Variants in CAMK2G observed in about 807,000 individuals in gnomAD.
CAMK2G encodes the protein calcium/calmodulin dependent protein kinase II gamma, also known as calcium/calmodulin-dependent protein kinase type II subunit gamma.
CAMK2G carries 23 observed loss-of-function variants against 88.7 expected under a neutral mutation model. That is an observed-to-expected ratio of 0.26 (90% CI 0.19 to 0.37). The LOEUF (loss-of-function observed/expected upper bound fraction) is 0.37. Among genes scored for constraint, CAMK2G ranks in the 10% least tolerant of loss-of-function variants. The pLI is 1.00. For synonymous variants in CAMK2G, 263 were observed against 294.8 expected (o/e 0.89, Z 1.11); for missense variants, 476 against 780.8 (o/e 0.61, Z 4.65).
intron 10 of CAMK2G, among the ~76,000 whole-genome samples, chr10:73,843,974 C>T (rs1354670770): frequency 6.6e-6 from 1 of 152,164 alleles, no homozygotes; most frequent in East Asian, 1.9e-4. Context: ...GGCTCAGGAG[C>T]CCCCTCTCTT....
chr10:73,827,192 T>C (rs1166376853), intron 15 of CAMK2G, among the ~76,000 whole-genome samples: 1 of 152,086 alleles, frequency 6.6e-6, no homozygotes, highest in East Asian at 1.9e-4. Context: ...CACCTCTGGT[T>C]TATTTATTTT....
Position 73,828,201 on chromosome 10 carries a change from G to C in CAMK2G, c.1054-80C>G. 4 of 1,152,492 alleles carry C rather than the reference G, an allele frequency of 3.5e-6. No individual in the cohort carries two copies. In the East Asian group the frequency reaches 7.1e-5, roughly 20 times the overall value. The allele number at this position is 1,152,492 out of a possible 1,614,324, so 71.4% of individuals were successfully genotyped here. ...AAGCACAGAGACGCTGCAGGTTAGC[G>C]CACCAGTGTGGGCTCTGCATCAGGG... On this transcript the variant is annotated intron_variant, in intron 14 of 22. Coordinates refer to ENST00000423381, the MANE Select transcript of CAMK2G (RefSeq NM_001367534.1).
intron 3 of CAMK2G, 115 bp downstream of exon 3, chr10:73,860,715 C>G: frequency 1.3e-6 from 1 of 790,020 alleles, no homozygotes. Flanking sequence ...CATGTAAAAA[C>G]AGACACCAGG....
chr10:73,817,604 TTAC>T, intron 19 of CAMK2G, 50 bp from the exon 20 acceptor site: 3 of 1,271,078 alleles, frequency 2.4e-6, no homozygotes, highest in Non-Finnish European at 3.5e-6. Flanking sequence ...ACCTCCCAAG[TTAC>T]AGAGAGCCCT....
chr10:73,864,089 A>G (rs1014193690), intron 2 of CAMK2G, among the ~76,000 whole-genome samples: 4 of 152,176 alleles, frequency 2.6e-5, no homozygotes, highest in African/African-American at 9.7e-5. Context: ...TCACGCCTGT[A>G]ATCCCAGTCC....
intron 2 of CAMK2G, among the ~76,000 whole-genome samples, chr10:73,865,791 C>A (rs899515562): frequency 6.6e-6 from 1 of 152,162 alleles, no homozygotes; most frequent in African/African-American, 2.4e-5. Flanking sequence ...TTCCAGTAAC[C>A]ACTAGGGAGA....
intron 2 of CAMK2G, among the ~76,000 whole-genome samples, chr10:73,869,682 T>C (rs2095742640): frequency 6.6e-6 from 1 of 152,256 alleles, no homozygotes; most frequent in African/African-American, 2.4e-5. Flanking sequence ...ATAAGGACCC[T>C]TCCCTCACCT....
chr10:73,873,339 C>G, intron 1 of CAMK2G: 1 of 1,348,242 alleles, frequency 7.4e-7, no homozygotes, highest in Non-Finnish European at 9.6e-7. Flanking sequence ...GCAACAGCCT[C>G]CACCTCAGGC....
At position 73,842,267 on chromosome 10, in the gene CAMK2G, G is replaced by T; in HGVS notation, c.904-56C>A. On this transcript the variant is annotated intron_variant, in intron 11 of 22. Transcript: ENST00000423381. The surrounding 1 kb of genome is among the most constrained non-coding windows in gnomAD (Gnocchi z 4.6). ...CTGAGACCCTAGAAAAGGGCAGGCT[G>T]GTCTCAGGCAAAGGCAGGTCCTGGC... The T allele has an allele frequency of 6.8e-7, 1 of 1,464,312 alleles. No individual in the cohort carries two copies. Among genetic ancestry groups the T allele is most frequent in the Non-Finnish European group, 9.6e-7 (1 of 1,043,410 alleles). 90.7% of individuals were successfully genotyped at this position (1,464,312 alleles called of 1,614,324 possible).
chr10:73,820,875 T>C (rs958106570), intron 18 of CAMK2G, among the ~76,000 whole-genome samples: 3 of 152,006 alleles, frequency 2.0e-5, no homozygotes, highest in South Asian at 2.1e-4. Context: ...AGTTTCACCA[T>C]GTTGGCCAGG....
intron 2 of CAMK2G, among the ~76,000 whole-genome samples, chr10:73,872,306 C>CTCAGAGGCAGTGCAGT (rs72048711): frequency 1.3e-5 from 2 of 151,900 alleles, no homozygotes; most frequent in African/African-American, 2.4e-5. Flanking sequence ...GCTCCTCAGA[C>CTCAGAGGCAGTGCAGT]TCGGAGGCAG....
intron 5 of CAMK2G, among the ~76,000 whole-genome samples, 171 bp from the exon 6 acceptor site, chr10:73,849,504 T>C (rs553132898): frequency 3.0e-4 from 46 of 152,272 alleles, no homozygotes; most frequent in African/African-American, 9.6e-4. Context: ...TCAACCTATT[T>C]AAAGAAAGAG....
chr10:73,858,315 C>T, intron 3 of CAMK2G, among the ~76,000 whole-genome samples: 1 of 152,172 alleles, frequency 6.6e-6, no homozygotes, highest in East Asian at 1.9e-4. Context: ...GGATGGAGTT[C>T]AAGAGGCCAG....
intron 10 of CAMK2G, among the ~76,000 whole-genome samples, chr10:73,844,523 T>C (rs1172318747): frequency 6.6e-6 from 1 of 152,196 alleles, no homozygotes; most frequent in Non-Finnish European, 1.5e-5. Flanking sequence ...TTCTCATGCC[T>C]CAGCCTCCCA....
intron 2 of CAMK2G, among the ~76,000 whole-genome samples, chr10:73,866,794 G>A (rs1271339732): frequency 6.6e-6 from 1 of 152,104 alleles, no homozygotes; most frequent in Non-Finnish European, 1.5e-5. Context: ...ACTCTGAGGA[G>A]CAGAAACAAG....
intron 18 of CAMK2G, among the ~76,000 whole-genome samples, chr10:73,820,418 G>A (rs183955204): frequency 6.8e-6 from 1 of 147,236 alleles, no homozygotes; most frequent in Non-Finnish European, 1.5e-5. Flanking sequence ...TAGGACTAGA[G>A]TGACCAACTC....
chr10:73,834,658 C>A (rs1014321981), intron 14 of CAMK2G, among the ~76,000 whole-genome samples: 5 of 152,212 alleles, frequency 3.3e-5, no homozygotes, highest in Admixed American at 2.0e-4. Context: ...CTTAAACCTT[C>A]ATGTGCTTTG....
chr10:73,870,175 T>C (rs530572258), intron 2 of CAMK2G, among the ~76,000 whole-genome samples: 2 of 152,298 alleles, frequency 1.3e-5, no homozygotes, highest in African/African-American at 4.8e-5. Flanking sequence ...TAACGACTTA[T>C]CATTGCCATC....
chr10:73,827,239 C>T lies in CAMK2G; in HGVS notation c.1086+850G>A, dbSNP rs992447707. Among the ~76,000 whole-genome samples, 6 of 152,268 alleles carry T rather than the reference C, an allele frequency of 3.9e-5. No individual in the cohort carries two copies. In the East Asian group the frequency reaches 9.7e-4, roughly 25 times the overall value. ...TCTAGCTCTGTCGCCCAGGCTGGAG[C>T]GCAGTGGCGCGATCTCGGCTCACTG... On this transcript the variant is annotated intron_variant, in intron 15 of 22. Coordinates refer to ENST00000423381, the MANE Select transcript of CAMK2G (RefSeq NM_001367534.1).
Sources: allele counts gnomAD v4.1 joint callset (sites outside exome capture counted in the v4.1 genomes callset), GRCh38; gene constraint gnomAD v4.1.1; non-coding constraint Gnocchi (gnomAD v3.1); transcripts MANE v1.5; gene names NCBI Gene and HGNC (gene_info 2026-07-23, HGNC 2026-07-21).